The following TAOK3 variants were observed in gnomAD, a reference collection of about 807,000 sequenced individuals.
TAOK3 encodes TAO kinase 3, also known as serine/threonine-protein kinase TAO3.
A neutral mutation model predicts 120.4 loss-of-function variants in TAOK3; 40 were observed. That is an observed-to-expected ratio of 0.33 (90% CI 0.26 to 0.43). TAOK3 has a LOEUF of 0.43. Among genes scored for constraint, TAOK3 ranks in the 20% least tolerant of loss-of-function variants. The probability of loss-of-function intolerance (pLI) is 1.00; values close to 1 mark genes in which losing one functional copy is unlikely to be tolerated. For synonymous variants in TAOK3, 355 were observed against 387.5 expected (o/e 0.92, Z 0.99); for missense variants, 821 against 1,112.1 (o/e 0.74, Z 3.72).
chr12:118,340,541 T>G (rs1280241954), intron 1 of TAOK3, among the ~76,000 whole-genome samples: 1 of 152,172 alleles, frequency 6.6e-6, no homozygotes, highest in Non-Finnish European at 1.5e-5. Flanking sequence ...ATCTAAATCA[T>G]TTTTATAAAC....
At chr12:118,253,629 C>T (rs1278272117) in intron 3 of TAOK3, among the ~76,000 whole-genome samples, 1 of 151,772 alleles carries the variant, frequency 6.6e-6, no homozygotes, top group Non-Finnish European at 1.5e-5. Flanking sequence ...CCCAGCTACT[C>T]AGGAGGCTGA....
At chr12:118,239,383 G>C in intron 5 of TAOK3, 111 bp from the exon 6 acceptor site, 2 of 627,814 alleles carry the variant, frequency 3.2e-6, no homozygotes, top group South Asian at 4.0e-5. Context: ...TAAATATTCT[G>C]ATCTACCCGA....
chr12:118,163,339 C>G (rs2035344447), intron 17 of TAOK3, among the ~76,000 whole-genome samples: 1 of 151,130 alleles, frequency 6.6e-6, no homozygotes, highest in African/African-American at 2.4e-5. Flanking sequence ...TAAGACATTC[C>G]TGTATTTCTA....
At chr12:118,303,522 G>A (rs2042947019) in intron 1 of TAOK3, among the ~76,000 whole-genome samples, 1 of 152,174 alleles carries the variant, frequency 6.6e-6, no homozygotes, top group Non-Finnish European at 1.5e-5. Context: ...TCTGTGCACT[G>A]TTTTCGCCAT....
intron 1 of TAOK3, among the ~76,000 whole-genome samples, chr12:118,270,669 C>CTTTTTT (rs761296706): frequency 1.6e-5 from 2 of 125,976 alleles, no homozygotes; most frequent in Non-Finnish European, 3.3e-5. Context: ...CTAAATGTCA[C>CTTTTTT]TTTTTTTTTT....
chr12:118,268,551 T>C (rs1407989734), intron 1 of TAOK3, among the ~76,000 whole-genome samples: 1 of 152,226 alleles, frequency 6.6e-6, no homozygotes, highest in South Asian at 2.1e-4. Context: ...GATTAACTGG[T>C]AGCTAAAACT....
At chr12:118,355,942 G>A (rs2045371627) in intron 1 of TAOK3, among the ~76,000 whole-genome samples, 1 of 152,156 alleles carries the variant, frequency 6.6e-6, no homozygotes, top group Non-Finnish European at 1.5e-5. Context: ...GTAGGTGGCA[G>A]ACATGTTTAT....
intron 1 of TAOK3, among the ~76,000 whole-genome samples, chr12:118,303,449 A>G (rs529416516): frequency 1.3e-5 from 2 of 152,336 alleles, no homozygotes; most frequent in Admixed American, 1.3e-4. Flanking sequence ...AAGTCTGAAT[A>G]AATTAATCAA....
chr12:118,170,994 T>C (rs1441773363), intron 17 of TAOK3, among the ~76,000 whole-genome samples: 1 of 152,240 alleles, frequency 6.6e-6, no homozygotes, highest in Non-Finnish European at 1.5e-5. Flanking sequence ...TCTCAGACTT[T>C]GATACTGTTA....
chr12:118,296,793 T>C (rs375342589), intron 1 of TAOK3: 1 of 152,246 alleles, frequency 6.6e-6, no homozygotes, highest in African/African-American at 2.4e-5. Context: ...ATTGAGCAGC[T>C]GCAATAAACT....
At chr12:118,238,964 T>C (rs1321594974) in intron 6 of TAOK3, among the ~76,000 whole-genome samples, 2 of 152,220 alleles carry the variant, frequency 1.3e-5, no homozygotes, top group African/African-American at 4.8e-5. Context: ...TGTTTTTGGC[T>C]ACATGTACCA....
intron 11 of TAOK3, among the ~76,000 whole-genome samples, chr12:118,205,542 C>G (rs997695844): frequency 6.6e-6 from 1 of 152,008 alleles, no homozygotes; most frequent in Non-Finnish European, 1.5e-5. Context: ...TGTCCTACTA[C>G]CATAATTATC....
At chr12:118,338,191 G>A (rs921408027) in intron 1 of TAOK3, among the ~76,000 whole-genome samples, 2 of 152,120 alleles carry the variant, frequency 1.3e-5, no homozygotes, top group African/African-American at 2.4e-5. Flanking sequence ...GGTGGGATGC[G>A]GGTGGGAAGA....
intron 19 of TAOK3, among the ~76,000 whole-genome samples, chr12:118,153,753 T>G (rs1259190100): frequency 6.6e-6 from 1 of 152,212 alleles, no homozygotes; most frequent in East Asian, 1.9e-4. Flanking sequence ...AGATACTTAT[T>G]CTCCACCTTA....
intron 1 of TAOK3, among the ~76,000 whole-genome samples, chr12:118,364,791 G>A (rs2065622629): frequency 6.6e-6 from 1 of 152,154 alleles, no homozygotes; most frequent in South Asian, 2.1e-4. Context: ...TGTAATCGCA[G>A]CTACTCCAGA....
At chr12:118,277,129 T>C (rs569082388) in intron 1 of TAOK3, among the ~76,000 whole-genome samples, 3 of 152,394 alleles carry the variant, frequency 2.0e-5, no homozygotes, top group East Asian at 3.9e-4. Context: ...ATTATTTTGT[T>C]GATACAATAA....
intron 9 of TAOK3, among the ~76,000 whole-genome samples, chr12:118,222,035 C>T (rs1432651584): frequency 6.6e-6 from 1 of 152,104 alleles, no homozygotes; most frequent in Non-Finnish European, 1.5e-5. Flanking sequence ...AACTTAGAGA[C>T]AAAGATCAAG....
intron 1 of TAOK3, among the ~76,000 whole-genome samples, chr12:118,296,592 A>G (rs1319676576): frequency 6.6e-6 from 1 of 152,232 alleles, no homozygotes; most frequent in Non-Finnish European, 1.5e-5. Context: ...TAGGCTGTCC[A>G]TGTAACCTCT....
intron 1 of TAOK3, among the ~76,000 whole-genome samples, chr12:118,307,408 C>T (rs926058309): frequency 2.0e-5 from 3 of 152,166 alleles, no homozygotes; most frequent in African/African-American, 4.8e-5. Flanking sequence ...TCCTTCTTCC[C>T]TGACTCCCCC....
Sources: gnomAD v4.1 joint callset for allele counts (sites outside exome capture counted in the v4.1 genomes callset) on GRCh38, gnomAD v4.1.1 for gene constraint, MANE v1.5 for transcripts, NCBI Gene and HGNC (gene_info 2026-07-23, HGNC 2026-07-21) for gene names.